Variants in KCNQ1 observed in about 807,000 individuals in gnomAD.
KCNQ1 encodes potassium voltage-gated channel subfamily Q member 1.
KCNQ1 carries 49 observed loss-of-function variants against 72.4 expected under a neutral mutation model. That is an observed-to-expected ratio of 0.68 (90% CI 0.54 to 0.86). The LOEUF is 0.86. Ranked by LOEUF, KCNQ1 falls within the 40% of genes least tolerant of loss-of-function variation. KCNQ1 has a pLI of 0.00. For synonymous variants in KCNQ1, 450 were observed against 412.6 expected, an observed-to-expected ratio of 1.09 and a Z score of -1.10; for missense variants, 790 against 945.1, an observed-to-expected ratio of 0.84 and a Z score of 2.15.
chr11:2,702,812 T>C (rs1043728750), intron 11 of KCNQ1, among the ~76,000 whole-genome samples: 1 of 152,124 alleles, frequency 6.6e-6, no homozygotes, highest in African/African-American at 2.4e-5. Flanking sequence ...TCACTATTGT[T>C]TGTGACCAGC....
At chr11:2,845,074 AC>A (rs1166721169) in intron 15 of KCNQ1, among the ~76,000 whole-genome samples, 2 of 151,494 alleles carry the variant, frequency 1.3e-5, no homozygotes, top group Admixed American at 1.3e-4. Flanking sequence ...AGGCTGAGAG[AC>A]CTCCCATGAC....
In KCNQ1 at chr11:2,787,660, T is replaced by G. The variant is rs1846938390; in HGVS notation, c.1794+9623T>G. On this transcript the variant is annotated intron_variant, in intron 15 of 15. Transcript: ENST00000155840. The surrounding 1 kb of genome is among the most constrained non-coding windows in gnomAD (Gnocchi z 6.3). ...ATTAATATTTTTAAAACTCTTAAAA[T>G]TGTTGACATTCTTCTTTTTCATACT... Among the ~76,000 whole-genome samples, 1 of 152,208 alleles carries G rather than the reference T, an allele frequency of 6.6e-6. No individual in the cohort carries two copies. Among genetic ancestry groups the G allele is most frequent in the African/African-American group, 2.4e-5 (1 of 41,452 alleles).
chr11:2,500,564 C>T (rs945623602), intron 1 of KCNQ1, among the ~76,000 whole-genome samples: 2 of 152,128 alleles, frequency 1.3e-5, no homozygotes, highest in African/African-American at 4.8e-5. Flanking sequence ...ATTATAAAGA[C>T]ACATGCACAC....
rs559367790 is a variant in KCNQ1, at chr11:2,515,422, C to G, written c.387-12506C>G. On this transcript the variant is annotated intron_variant, in intron 1 of 15. Coordinates refer to ENST00000155840, the MANE Select transcript of KCNQ1 (RefSeq NM_000218.3). The surrounding 1 kb of genome is among the most constrained non-coding windows in gnomAD (Gnocchi z 4.7). ...GAGGGCGGAGCCCCTGGCCCAGGGG[C>G]GGGGAGGCCTGTCCACCCCTCCCAC... Among the ~76,000 whole-genome samples, 12 of 139,428 alleles carry G rather than the reference C, an allele frequency of 8.6e-5. No individual in the cohort carries two copies. The highest frequency in any genetic ancestry group is 2.7e-4 in the African/African-American group (11 of 40,360). 91.5% of individuals were successfully genotyped at this position (139,428 alleles called of 152,430 possible).
At chr11:2,568,125 T>C (rs1481705607) in intron 2 of KCNQ1, among the ~76,000 whole-genome samples, 2 of 151,838 alleles carry the variant, frequency 1.3e-5, no homozygotes, top group African/African-American at 4.8e-5. Context: ...ACAAAAAAAT[T>C]AGCCAGGCGT....
chr11:2,466,412 A>G (rs925703061), intron 1 of KCNQ1, among the ~76,000 whole-genome samples: 1 of 152,002 alleles, frequency 6.6e-6, no homozygotes, highest in Admixed American at 6.5e-5. Context: ...GTTTTGAGGG[A>G]ACACAGTGCT....
chr11:2,746,447 C>A lies in KCNQ1; in HGVS notation c.1515-22397C>A. Among the ~76,000 whole-genome samples the A allele has an allele frequency of 6.6e-6, 1 of 152,142 alleles. No individual in the cohort carries two copies. Among genetic ancestry groups the A allele is most frequent in the South Asian group, 2.1e-4 (1 of 4,820 alleles). ...CTCTCCCCGGGCCCCACCCAGGGTC[C>A]CATGTGACATTCCTCATCCGTCTCC... is the stretch of plus-strand genomic sequence containing the variant. On this transcript the variant is annotated intron_variant, in intron 11 of 15. Transcript: ENST00000155840. The surrounding 1 kb of genome is among the most constrained non-coding windows in gnomAD (Gnocchi z 5.9).
At chr11:2,643,254 G>A in intron 10 of KCNQ1, 1 of 398,208 alleles carries the variant, frequency 2.5e-6, no homozygotes, top group Non-Finnish European at 4.4e-6. Context: ...TACTGGAAAT[G>A]GAGAATTGAA....
chr11:2,802,734 C>T (rs1041025351), intron 15 of KCNQ1, among the ~76,000 whole-genome samples: 17 of 152,148 alleles, frequency 1.1e-4, no homozygotes, highest in Non-Finnish European at 2.2e-4. Context: ...GTTTGCAGGG[C>T]GGGGTTGTCT....
chr11:2,570,135 C>T (rs1013868138), intron 2 of KCNQ1, among the ~76,000 whole-genome samples: 2 of 150,258 alleles, frequency 1.3e-5, no homozygotes, highest in Non-Finnish European at 2.9e-5. Flanking sequence ...GGCTAGGGTT[C>T]CTGGCGTGGG....
intron 1 of KCNQ1, among the ~76,000 whole-genome samples, chr11:2,449,604 A>G (rs1202313999): frequency 6.6e-6 from 1 of 152,130 alleles, no homozygotes; most frequent in Non-Finnish European, 1.5e-5. Context: ...AACAGCTCCA[A>G]ACCCACCCTA....
chr11:2,780,407 C>T (rs1846801813), intron 15 of KCNQ1, among the ~76,000 whole-genome samples: 1 of 152,242 alleles, frequency 6.6e-6, no homozygotes, highest in Non-Finnish European at 1.5e-5. Context: ...CCAGCAGCCG[C>T]CCGGCCCTCG....
chr11:2,626,600 C>T lies in KCNQ1; in HGVS notation c.1394-35361C>T. 2.5e-6 allele frequency: 1 copy of T among 398,606 alleles called. No individual in the cohort carries two copies. Among genetic ancestry groups the T allele is most frequent in the Non-Finnish European group, 4.4e-6 (1 of 226,092 alleles). 24.7% of individuals were successfully genotyped at this position (398,606 alleles called of 1,614,324 possible). On this transcript the variant is annotated intron_variant, in intron 10 of 15. Transcript: ENST00000155840. This position sits in a 1 kb window ranked among gnomAD's most constrained non-coding sequence, Gnocchi z 4.0. ...CTGGAGTACAGTGGCATTATCACTG[C>T]TTACTGCCACCTCAATCTCCCAGGC...
intron 10 of KCNQ1, chr11:2,609,245 G>A: frequency 5.0e-6 from 2 of 398,180 alleles, no homozygotes; most frequent in Non-Finnish European, 8.9e-6. Flanking sequence ...TAATCTCAAA[G>A]TACGTTCCAT....
chr11:2,614,449 T>C, intron 10 of KCNQ1: 1 of 398,534 alleles, frequency 2.5e-6, no homozygotes, highest in Non-Finnish European at 4.4e-6. Context: ...TTTCTAAGAA[T>C]TTATTTCCAA....
rs954593533 is a variant in KCNQ1 at position 2,668,675 on chromosome 11, CAG to C, written c.1514+6604_1514+6605del. On this transcript the variant is annotated intron_variant, in intron 11 of 15. Transcript: ENST00000155840. The surrounding 1 kb of genome is among the most constrained non-coding windows in gnomAD (Gnocchi z 4.3). ...CTTTAGATATTCTGGAGTCATTTGT[CAG>C]AGAGAGAGATACACACACTCACACT... 5 of 398,514 alleles carry C rather than the reference CAG, an allele frequency of 1.3e-5. No individual in the cohort carries two copies. Among genetic ancestry groups the C allele is most frequent in the Non-Finnish European group, 2.2e-5 (5 of 226,058 alleles). 24.7% of individuals were successfully genotyped at this position (398,514 alleles called of 1,614,324 possible).
chr11:2,811,656 G>A (rs965836788), intron 15 of KCNQ1, among the ~76,000 whole-genome samples: 5 of 152,228 alleles, frequency 3.3e-5, no homozygotes, highest in African/African-American at 1.2e-4. Flanking sequence ...CATTCAGGAT[G>A]GGGATGTCCC....
chr11:2,677,758 C>T lies in KCNQ1; in HGVS notation c.1514+15677C>T. The stretch of plus-strand genomic sequence containing the variant: ...TTGGTCTCCGTTTTCAGTGGATTTA[C>T]TTTAAGAGATCCTCCCTTTCCCCCC... On this transcript the variant is annotated intron_variant, in intron 11 of 15. Transcript: ENST00000155840. The surrounding 1 kb of genome is among the most constrained non-coding windows in gnomAD (Gnocchi z 4.5). The T allele has an allele frequency of 2.5e-6, 1 of 398,502 alleles. No individual in the cohort carries two copies. The highest frequency in any genetic ancestry group is 4.4e-6 in the Non-Finnish European group (1 of 226,030). 24.7% of individuals were successfully genotyped at this position (398,502 alleles called of 1,614,324 possible).
In KCNQ1 at chr11:2,654,054, G is replaced by A. The variant is rs972660662; in HGVS notation, c.1394-7907G>A. 30 of 398,618 alleles carry A rather than the reference G, an allele frequency of 7.5e-5. No homozygotes were observed. Among genetic ancestry groups the A allele is most frequent in the African/African-American group, 2.9e-4 (14 of 48,652 alleles). The allele number at this position is 398,618 out of a possible 1,614,324, so 24.7% of individuals were successfully genotyped here. A position where few individuals can be genotyped will look rare whatever the true frequency, so the allele number is the denominator to read the frequency against. Reference sequence around the variant, plus strand: ...TCGCCTTGTTCCTGGCAGCTGTTGTGGGAATGGCTTTTACACTTTCCATCC... The same window carrying A: ...TCGCCTTGTTCCTGGCAGCTGTTGTAGGAATGGCTTTTACACTTTCCATCC... On this transcript the variant is annotated intron_variant, in intron 10 of 15. Coordinates refer to ENST00000155840, the MANE Select transcript of KCNQ1 (RefSeq NM_000218.3). The surrounding 1 kb of genome is among the most constrained non-coding windows in gnomAD (Gnocchi z 6.4).
Sources: gnomAD v4.1 joint callset for allele counts (sites outside exome capture counted in the v4.1 genomes callset) on GRCh38, gnomAD v4.1.1 for gene constraint, Gnocchi (gnomAD v3.1) non-coding constraint, MANE v1.5 for transcripts, NCBI Gene and HGNC (gene_info 2026-07-23, HGNC 2026-07-21) for gene names.